Variants in WDR19 observed in about 807,000 individuals in gnomAD.
WDR19 encodes WD repeat-containing protein 19.
WDR19 carries 121 observed loss-of-function variants against 180.0 expected under a neutral mutation model. That is an observed-to-expected ratio of 0.67 (90% confidence interval 0.58 to 0.78). The LOEUF is 0.78. WDR19 is among the 30% of genes least tolerant of loss of function. The pLI, the probability that WDR19 is intolerant of heterozygous loss-of-function variation, is 0.00. For synonymous variants in WDR19, 497 were observed against 540.7 expected (o/e 0.92, Z 1.12); for missense variants, 1,450 against 1,640.7 (o/e 0.88, Z 2.01).
At chr4:39,204,336 C>T (rs1323989584) in intron 7 of WDR19, among the ~76,000 whole-genome samples, 5 of 152,108 alleles carry the variant, frequency 3.3e-5, no homozygotes, top group South Asian at 2.1e-4. Context: ...CCACCTCCCT[C>T]GGCCTCCCAA....
chr4:39,207,846 AC>A (rs1174862992), intron 9 of WDR19, among the ~76,000 whole-genome samples: 2 of 152,104 alleles, frequency 1.3e-5, no homozygotes, highest in Non-Finnish European at 2.9e-5. Flanking sequence ...AATATAATAG[AC>A]ATTTTTCTTT....
At chr4:39,284,706 G>A (rs557382004) in intron 36 of WDR19, among the ~76,000 whole-genome samples, 2 of 150,660 alleles carry the variant, frequency 1.3e-5, no homozygotes, top group African/African-American at 4.9e-5. Context: ...TTATCTATGG[G>A]AAAATTAAAC....
intron 31 of WDR19, among the ~76,000 whole-genome samples, chr4:39,270,825 T>A (rs1446463030): frequency 6.6e-6 from 1 of 152,118 alleles, no homozygotes; most frequent in African/African-American, 2.4e-5. Flanking sequence ...TTTGTAAATA[T>A]TGTTTAGTTT....
chr4:39,242,605 T>C (rs529338397), intron 21 of WDR19, among the ~76,000 whole-genome samples: 1 of 152,286 alleles, frequency 6.6e-6, no homozygotes, highest in East Asian at 1.9e-4. Flanking sequence ...GGAGGAATGC[T>C]TGACACCAGG....
At chr4:39,248,538 A>G (rs1379194605) in intron 24 of WDR19, among the ~76,000 whole-genome samples, 2 of 152,244 alleles carry the variant, frequency 1.3e-5, no homozygotes, top group African/African-American at 2.4e-5. Flanking sequence ...AAATGTTCCA[A>G]TTAAAAGGCA....
intron 27 of WDR19, 34 bp downstream of exon 27, chr4:39,255,994 C>CTCA (rs1245911084): frequency 4.4e-6 from 4 of 905,618 alleles, no homozygotes; most frequent in African/African-American, 2.9e-5. Flanking sequence ...ACACTGACTC[C>CTCA]GCAGGAATAA....
At chr4:39,277,186 T>G (rs1735986493) in intron 34 of WDR19, 43 bp downstream of exon 34, 2 of 1,547,450 alleles carry the variant, frequency 1.3e-6, no homozygotes, top group African/African-American at 2.8e-5. Context: ...GCATATATAT[T>G]TGTAACCCAT....
chr4:39,274,213 T>C (rs781743105), intron 32 of WDR19: 1 of 152,648 alleles, frequency 6.6e-6, no homozygotes. Context: ...TGGGTCATAA[T>C]TGGCCAACCC....
chr4:39,243,496 A>G (rs899936870), intron 21 of WDR19, among the ~76,000 whole-genome samples: 3 of 151,968 alleles, frequency 2.0e-5, no homozygotes, highest in Admixed American at 6.6e-5. Context: ...TTGCTCATTT[A>G]TCTCTTAGGT....
chr4:39,277,058 C>T lies in WDR19; in HGVS notation c.3755C>T (p.Pro1252Leu). 1.2e-6 allele frequency: 2 copies of T among 1,613,946 alleles called. No homozygotes were observed. The highest frequency in any genetic ancestry group is 1.7e-6 in the Non-Finnish European group (2 of 1,179,860). Residue 1252 changes from proline (P) to leucine (L), a missense_variant, in exon 34 of 37, where the codon CCA becomes CTA. Coordinates refer to ENST00000399820, the MANE Select transcript of WDR19 (RefSeq NM_025132.4). ...DISEIEEATT[P>L]CPFCKFLLPE... is the part of the protein sequence containing the mutation. ...TCTGAGATAGAAGAGGCCACGACTC[C>T]ATGTCCATTCTGCAAATTTCTTCTC...
intron 28 of WDR19, among the ~76,000 whole-genome samples, chr4:39,260,772 C>T (rs998520520): frequency 2.0e-5 from 3 of 152,200 alleles, no homozygotes; most frequent in Non-Finnish European, 4.4e-5. Context: ...CTCTTCCTGA[C>T]TTGCAGACAG....
intron 4 of WDR19, among the ~76,000 whole-genome samples, chr4:39,190,104 T>G (rs1725995445): frequency 6.6e-6 from 1 of 152,214 alleles, no homozygotes; most frequent in Admixed American, 6.5e-5. Flanking sequence ...ATCAAGACTT[T>G]TTCTCCATCT....
At chr4:39,283,841 T>G (rs1486776740) in intron 36 of WDR19, among the ~76,000 whole-genome samples, 1 of 152,224 alleles carries the variant, frequency 6.6e-6, no homozygotes, top group Non-Finnish European at 1.5e-5. Context: ...GCAGGTTTGC[T>G]GGTGACTTCT....
chr4:39,284,467 T>C (rs1736941846), intron 36 of WDR19, among the ~76,000 whole-genome samples: 1 of 149,966 alleles, frequency 6.7e-6, no homozygotes, highest in African/African-American at 2.4e-5. Context: ...GCCTTGCAAG[T>C]AGCTATGACT....
intron 17 of WDR19, 139 bp from the exon 18 acceptor site, chr4:39,231,658 C>A: frequency 2.9e-6 from 2 of 682,488 alleles, no homozygotes; most frequent in Non-Finnish European, 4.3e-6. Flanking sequence ...TTTTTCATTA[C>A]TTGTAAATGA....
At chr4:39,193,299 C>T (rs1019942677) in intron 4 of WDR19, among the ~76,000 whole-genome samples, 2 of 151,606 alleles carry the variant, frequency 1.3e-5, no homozygotes, top group Admixed American at 1.3e-4. Context: ...GTAGCTGGGA[C>T]TACAGGTGCA....
intron 3 of WDR19, 151 bp from the exon 4 acceptor site, chr4:39,189,505 C>A: frequency 1.4e-6 from 1 of 713,826 alleles, no homozygotes; most frequent in South Asian, 4.6e-5. Flanking sequence ...TTAACATTAC[C>A]CATGCAGTGA....
At chr4:39,281,235 A>G (rs1369426770) in intron 36 of WDR19, among the ~76,000 whole-genome samples, 1 of 115,324 alleles carries the variant, frequency 8.7e-6, no homozygotes, top group Admixed American at 7.8e-5. Context: ...ATATATATAT[A>G]TAGAGAGAGA....
At chr4:39,243,285 T>C (rs1415640885) in intron 21 of WDR19, among the ~76,000 whole-genome samples, 1 of 152,198 alleles carries the variant, frequency 6.6e-6, no homozygotes, top group Non-Finnish European at 1.5e-5. Flanking sequence ...ACACACTCCA[T>C]GTATGATAGT....
Sources: allele counts gnomAD v4.1 joint callset (sites outside exome capture counted in the v4.1 genomes callset), GRCh38; gene constraint gnomAD v4.1.1; transcripts MANE v1.5; gene names NCBI Gene and HGNC (gene_info 2026-07-23, HGNC 2026-07-21).